The following CDYL variants were observed in gnomAD, a reference collection of about 807,000 sequenced individuals.
The protein encoded by CDYL is chromodomain Y like.
Under a neutral mutation model 47.3 loss-of-function variants are expected in CDYL, and 8 were observed. The ratio of observed to expected loss-of-function variants is 0.17; its 90% confidence interval spans 0.10 to 0.31. The LOEUF is 0.31. Ranked by LOEUF, CDYL falls within the 10% of genes least tolerant of loss-of-function variation. The pLI, the probability that CDYL is intolerant of heterozygous loss-of-function variation, is 1.00. For missense variants in CDYL, 471 were observed against 701.4 expected (o/e 0.67, Z 3.71); for synonymous variants, 266 against 265.0 (o/e 1.00, Z -0.04).
chr6:4,795,153 T>TTA (rs375428933), intron 1 of CDYL, among the ~76,000 whole-genome samples: 4 of 148,900 alleles, frequency 2.7e-5, no homozygotes, highest in African/African-American at 4.9e-5. Context: ...TGCTCTTTTT[T>TTA]AAAAAAAAAA....
intron 1 of CDYL, among the ~76,000 whole-genome samples, chr6:4,842,380 ATAT>A (rs1760528627): frequency 6.6e-6 from 1 of 151,306 alleles, no homozygotes; most frequent in Admixed American, 6.6e-5. Context: ...CCCCCACTAT[ATAT>A]TATTATTGTG....
chr6:4,829,918 A>C (rs62386587), intron 1 of CDYL, among the ~76,000 whole-genome samples: 5 of 152,212 alleles, frequency 3.3e-5, no homozygotes, highest in Non-Finnish European at 7.3e-5. Flanking sequence ...AAATACCACA[A>C]ACCTTTCCTG....
At chr6:4,849,063 A>T (rs1420224598) in intron 1 of CDYL, among the ~76,000 whole-genome samples, 1 of 152,188 alleles carries the variant, frequency 6.6e-6, no homozygotes, top group African/African-American at 2.4e-5. Flanking sequence ...TTCTTGATCA[A>T]ATTTTAGGTT....
chr6:4,904,980 C>T (rs1041855062), intron 2 of CDYL, among the ~76,000 whole-genome samples: 9 of 152,236 alleles, frequency 5.9e-5, no homozygotes, highest in Non-Finnish European at 8.8e-5. Flanking sequence ...TGTGATCGGC[C>T]GTCCCTATGT....
intron 2 of CDYL, among the ~76,000 whole-genome samples, chr6:4,914,468 A>G (rs1277660928): frequency 1.3e-5 from 2 of 152,168 alleles, no homozygotes; most frequent in East Asian, 1.9e-4. Context: ...GTTTCTTACT[A>G]TTATCTGTCT....
chr6:4,875,271 T>C (rs1306151921), intron 1 of CDYL, among the ~76,000 whole-genome samples: 3 of 152,156 alleles, frequency 2.0e-5, no homozygotes, highest in Non-Finnish European at 4.4e-5. Flanking sequence ...TCTTCTCTGA[T>C]GAGATTGTTT....
chr6:4,800,265 T>C (rs999777247), intron 1 of CDYL, among the ~76,000 whole-genome samples: 1 of 152,172 alleles, frequency 6.6e-6, no homozygotes, highest in Non-Finnish European at 1.5e-5. Flanking sequence ...CAAAATTTCT[T>C]ATTAATTTTA....
At chr6:4,878,097 G>A (rs1761666618) in intron 1 of CDYL, among the ~76,000 whole-genome samples, 1 of 152,050 alleles carries the variant, frequency 6.6e-6, no homozygotes, top group South Asian at 2.1e-4. Flanking sequence ...TCTGAGATAT[G>A]CCACATTTAA....
chr6:4,947,895 G>A (rs911831193), intron 5 of CDYL, among the ~76,000 whole-genome samples: 1 of 152,172 alleles, frequency 6.6e-6, no homozygotes, highest in Admixed American at 6.5e-5. Context: ...CATGGGGGAG[G>A]CCCTGAGCTC....
intron 1 of CDYL, among the ~76,000 whole-genome samples, chr6:4,829,613 T>C (rs1383996834): frequency 6.6e-6 from 1 of 152,194 alleles, no homozygotes; most frequent in Non-Finnish European, 1.5e-5. Context: ...AAAGAAACTC[T>C]CCTGCAGCTT....
At chr6:4,939,990 C>A (rs1243915500) in intron 4 of CDYL, among the ~76,000 whole-genome samples, 1 of 149,688 alleles carries the variant, frequency 6.7e-6, no homozygotes, top group African/African-American at 2.4e-5. Context: ...TGGTGCCTCG[C>A]CGGGTGCAGC....
At chr6:4,860,102 C>T (rs112939051) in intron 1 of CDYL, among the ~76,000 whole-genome samples, 38 of 151,914 alleles carry the variant, frequency 2.5e-4, no homozygotes, top group Non-Finnish European at 4.1e-4. Context: ...AGGGTTTCAC[C>T]GTGTTAGCCA....
In CDYL at chr6:4,894,929, ATG is replaced by A. The variant is rs1440247452; in HGVS notation, c.691+2556_691+2557del. 1.7e-4 allele frequency among the ~76,000 whole-genome samples: 3 copies of A among 17,606 alleles called. No homozygotes were observed. The Non-Finnish European group carries it at 3.3e-3, about 19-fold the overall frequency. The allele number at this position is 17,606 out of a possible 152,430, so 11.6% of individuals were successfully genotyped here. A position where few individuals can be genotyped will look rare whatever the true frequency, so the allele number is the denominator to read the frequency against. On this transcript the variant is annotated intron_variant, in intron 2 of 6. Coordinates refer to ENST00000397588, the MANE Select transcript of CDYL (RefSeq NM_004824.4). ...TACGTGTGTATATATACACATATGTATGTGTGTATATGTGTATGCATGTGTAT... is the reference window on the plus strand; with the variant it reads ...TACGTGTGTATATATACACATATGTATGTGTATATGTGTATGCATGTGTAT...
chr6:4,800,991 C>T (rs1561643925), intron 1 of CDYL, among the ~76,000 whole-genome samples: 1 of 152,114 alleles, frequency 6.6e-6, no homozygotes, highest in African/African-American at 2.4e-5. Flanking sequence ...GATGTCTTTT[C>T]CTCCTTTCCT....
intron 3 of CDYL, among the ~76,000 whole-genome samples, chr6:4,738,130 C>T (rs1444365819): frequency 6.6e-6 from 1 of 152,216 alleles, no homozygotes; most frequent in Admixed American, 6.5e-5. Flanking sequence ...GCTCCCAGCA[C>T]TTTGGGAGGC....
Position 4,823,728 on chromosome 6 carries a change from T to C in CDYL, c.24+46921T>C, listed in dbSNP as rs188421388. Among the ~76,000 whole-genome samples, 16 of 152,350 alleles carry C rather than the reference T, an allele frequency of 1.1e-4. No homozygotes were observed. The East Asian group carries it at 2.7e-3, about 26-fold the overall frequency. The stretch of plus-strand genomic sequence containing the variant: ...CCCCAAACAGAAACTTTGTAACCGG[T>C]AAAATATACGTAACCTAACATTTGC... On this transcript the variant is annotated intron_variant, in intron 1 of 6. Transcript: ENST00000397588.
chr6:4,760,051 G>GTT lies in CDYL; in HGVS notation c.186+25213_186+25214dup, dbSNP rs980285767. On this transcript the variant is annotated intron_variant, in intron 3 of 8. Transcript: ENST00000328908. ...CCCTATTCTCAAAAGCAAGTCTGTTGTTTTTTTCTGCTAAGGCTAGTCCAT... is the reference window on the plus strand; with the variant it reads ...CCCTATTCTCAAAAGCAAGTCTGTTGTTTTTTTTTCTGCTAAGGCTAGTCCAT... Among the ~76,000 whole-genome samples, 5 of 151,790 alleles carry GTT rather than the reference G, an allele frequency of 3.3e-5. 1 individual carries two copies. The East Asian group carries it at 9.7e-4, about 29-fold the overall frequency.
chr6:4,721,031 C>A (rs903665531), intron 2 of CDYL, among the ~76,000 whole-genome samples: 8 of 152,114 alleles, frequency 5.3e-5, no homozygotes, highest in African/African-American at 1.9e-4. Context: ...TTTGCCTCTG[C>A]CCAGCTGATC....
intron 2 of CDYL, among the ~76,000 whole-genome samples, chr6:4,893,528 A>T (rs1246201178): frequency 6.6e-6 from 1 of 152,212 alleles, no homozygotes; most frequent in African/African-American, 2.4e-5. Flanking sequence ...CCCCGTCTCT[A>T]CTAAAAATAC....
Sources: gnomAD v4.1 joint callset for allele counts (sites outside exome capture counted in the v4.1 genomes callset) on GRCh38, gnomAD v4.1.1 for gene constraint, MANE v1.5 for transcripts, NCBI Gene and HGNC (gene_info 2026-07-23, HGNC 2026-07-21) for gene names.